Variants in CDC42BPG observed in about 807,000 individuals in gnomAD.
CDC42BPG encodes serine/threonine-protein kinase MRCK gamma.
Under a neutral mutation model 192.2 loss-of-function variants are expected in CDC42BPG, and 157 were observed. That is an observed-to-expected ratio of 0.82 (90% CI 0.72 to 0.93). CDC42BPG has a LOEUF of 0.93. CDC42BPG is among the 40% of genes least tolerant of loss of function. The pLI is 0.00. For missense variants in CDC42BPG, 1,992 were observed against 2,122.1 expected (o/e 0.94, Z 1.20); for synonymous variants, 981 against 918.5 (o/e 1.07, Z -1.23).
Position 64,836,782 on chromosome 11 carries a change from C to G in CDC42BPG, c.1341G>C (p.Glu447Asp). The change falls in exon 11 of 37, where the codon GAG (glutamate) becomes GAC (aspartate). Residue 447 changes from glutamate to aspartate, a missense_variant. By Grantham distance (45) the Glu-to-Asp change is conservative. Coordinates refer to ENST00000342711, the MANE Select transcript of CDC42BPG (RefSeq NM_017525.3). Reference protein sequence around the residue: ...LHAPTDHRELEQLRKEVQTLR... With the variant: ...LHAPTDHRELDQLRKEVQTLR... ...GAGTCTGCACTTCCTTCCGTAGCTG[C>G]TCCAGCTCCCGATGGTCTGTGGGGG... is the stretch of plus-strand genomic sequence containing the variant. 3.2e-6 allele frequency: 5 copies of G among 1,586,780 alleles called. No individual in the cohort carries two copies. The highest frequency in any genetic ancestry group is 4.3e-6 in the Non-Finnish European group (5 of 1,167,788).
chr11:64,843,950 G>A (rs1487652806), intron 1 of CDC42BPG, among the ~76,000 whole-genome samples: 2 of 152,192 alleles, frequency 1.3e-5, no homozygotes, highest in Non-Finnish European at 2.9e-5. Flanking sequence ...ATGCGGTCGG[G>A]GTGGTCTGCA....
chr11:64,828,855 G>C (rs1942554564), intron 30 of CDC42BPG, among the ~76,000 whole-genome samples: 1 of 152,196 alleles, frequency 6.6e-6, no homozygotes, highest in Non-Finnish European at 1.5e-5. Context: ...TTTGAGACCA[G>C]CCTGGCCAAC....
In CDC42BPG at chr11:64,840,191, C is replaced by T. The variant is rs115427619; in HGVS notation, c.510G>A (p.Glu170=). Residue 170 remains glutamate (E), a synonymous_variant, in exon 5 of 37, where the codon GAG becomes GAA. Transcript: ENST00000342711. ...LSRFEDRLPP[E]LAQFYLAEMV... is the part of the protein sequence containing the mutation. ...TCTCAGCCAGGTAGAACTGGGCCAG[C>T]TCGGGCGGGAGACGGTCCTCGAAGC... 3.5e-4 allele frequency: 571 copies of T among 1,613,238 alleles called. 1 individual carries two copies. In the African/African-American group the frequency reaches 6.4e-3, roughly 18 times the overall value.
intron 36 of CDC42BPG, 110 bp downstream of exon 36, chr11:64,826,360 G>A: frequency 1.3e-6 from 1 of 757,410 alleles, no homozygotes; most frequent in Non-Finnish European, 2.3e-6. Context: ...ATCGAGGGCA[G>A]GGATGGGCTC....
intron 3 of CDC42BPG, 84 bp from the exon 4 acceptor site, chr11:64,840,732 A>G (rs975562368): frequency 2.5e-6 from 3 of 1,216,028 alleles, no homozygotes; most frequent in African/African-American, 1.5e-5. Context: ...ATGGAGAAAG[A>G]TTCTGTGAGT....
chr11:64,839,478 C>T lies in CDC42BPG; in HGVS notation c.675G>A (p.Met225Ile). The T allele has an allele frequency of 6.2e-7, 1 of 1,613,052 alleles. No individual in the cohort carries two copies. Among genetic ancestry groups the T allele is most frequent in the Non-Finnish European group, 8.5e-7 (1 of 1,179,878 alleles). The change falls in exon 6 of 37, where the codon ATG becomes ATA. Residue 225 changes from methionine to isoleucine, a missense_variant and splice_region_variant. Coordinates refer to ENST00000342711, the MANE Select transcript of CDC42BPG (RefSeq NM_017525.3). ...GSCLRLNTNG[M>I]VDSSVAVGTP... Reference sequence around the variant, plus strand: ...TCCCACTCTGGGGCGGGGTCCTTACCATGCCGTTGGTGTTGAGACGCAGGC... The same window carrying T: ...TCCCACTCTGGGGCGGGGTCCTTACTATGCCGTTGGTGTTGAGACGCAGGC...
rs1943212678 is a variant in CDC42BPG, at chr11:64,840,116, C to G, written c.581+4G>C. 1 of 1,610,664 alleles carries G rather than the reference C, an allele frequency of 6.2e-7. No individual in the cohort carries two copies. Among genetic ancestry groups the G allele is most frequent in the Non-Finnish European group, 8.5e-7 (1 of 1,178,746 alleles). On this transcript the variant is annotated splice_donor_region_variant and intron_variant, in intron 5 of 36. Coordinates refer to ENST00000342711, the MANE Select transcript of CDC42BPG (RefSeq NM_017525.3). ...TGGGCAGGGCAGCGGGGTTGGGGCC[C>G]CACCTGTGGACATAACCCAGCTGGT...
chr11:64,829,863 G>T lies in CDC42BPG; in HGVS notation c.3575C>A (p.Thr1192Asn), dbSNP rs767403805. ...CTTGACGGCTACACAGAGCACCGGGGTGCGGGCCTGCAGGATGCTTCCAGC... is the reference window on the plus strand; with the variant it reads ...CTTGACGGCTACACAGAGCACCGGGTTGCGGGCCTGCAGGATGCTTCCAGC... ...LAAGSILQAR[T>N]PVLCVAVKRQ... is the part of the protein sequence containing the mutation. The change falls in exon 30 of 37, where the codon ACC (threonine) becomes AAC (asparagine). Residue 1192 changes from threonine to asparagine, a missense_variant. By Grantham distance (65) the Thr-to-Asn change is moderately conservative. This residue lies in a region of CDC42BPG where 1,656 missense variants were observed against 1,844.3 expected (regional missense o/e 0.90). Coordinates refer to ENST00000342711, the MANE Select transcript of CDC42BPG (RefSeq NM_017525.3). 1.2e-6 allele frequency: 2 copies of T among 1,608,272 alleles called. No homozygotes were observed. Among genetic ancestry groups the T allele is most frequent in the Admixed American group, 1.7e-5 (1 of 58,540 alleles).
At chr11:64,828,553 G>A (rs545891146) in intron 30 of CDC42BPG, among the ~76,000 whole-genome samples, 5 of 152,346 alleles carry the variant, frequency 3.3e-5, no homozygotes, top group East Asian at 3.9e-4. Flanking sequence ...CAATCGCAGC[G>A]GTTATCTTTG....
At chr11:64,827,018 A>T (rs646709) in intron 34 of CDC42BPG, 32 bp downstream of exon 34, 1 of 1,462,602 alleles carries the variant, frequency 6.8e-7, no homozygotes, top group Non-Finnish European at 9.6e-7. Context: ...AGCCTCACCA[A>T]AGTGGCTTGT....
intron 4 of CDC42BPG, 60 bp downstream of exon 4, chr11:64,840,488 TGGCCC>T: frequency 6.5e-7 from 1 of 1,538,480 alleles, no homozygotes; most frequent in Non-Finnish European, 9.0e-7. Context: ...CCAGTGCCCC[TGGCCC>T]CAAGGGCCCT....
In CDC42BPG at chr11:64,827,147, A is replaced by G. The variant is rs1327520751; in HGVS notation, c.4292T>C (p.Phe1431Ser). Reference sequence around the variant, plus strand: ...CGGCGAGATGAGCTTGGAGCGCACAAAAGGGTCCTTCAGCATCTCCCTGTG... The same window carrying G: ...CGGCGAGATGAGCTTGGAGCGCACAGAAGGGTCCTTCAGCATCTCCCTGTG... ...QQRREMLKDP[F>S]VRSKLISPPT... The change falls in exon 34 of 37, where the codon TTT (phenylalanine) becomes TCT (serine). Residue 1431 changes from phenylalanine (F) to serine (S), a missense_variant. By Grantham distance (155) the Phe-to-Ser change is radical. Transcript: ENST00000342711. 3 of 1,613,970 alleles carry G rather than the reference A, an allele frequency of 1.9e-6. No homozygotes were observed. Among genetic ancestry groups the G allele is most frequent in the Non-Finnish European group, 1.7e-6 (2 of 1,179,968 alleles).
At position 64,833,251 on chromosome 11, in the gene CDC42BPG, C is replaced by T. The variant is rs150445865; in HGVS notation, c.2711G>A (p.Arg904His). 398 of 1,548,548 alleles carry T rather than the reference C, an allele frequency of 2.6e-4. No individual in the cohort carries two copies. The highest frequency in any genetic ancestry group is 2.6e-4 in the South Asian group (22 of 84,020). The change falls in exon 24 of 37, where the codon CGC becomes CAC. Residue 904 changes from arginine to histidine, a missense_variant. This residue lies in a region of CDC42BPG where 1,656 missense variants were observed against 1,844.3 expected (regional missense o/e 0.90). Coordinates refer to ENST00000342711, the MANE Select transcript of CDC42BPG (RefSeq NM_017525.3). ...CTCACCATCACAACCCAGGCCCTGG[C>T]GGCCCAGGCCCAGCATCAGCGAGGT... is the stretch of plus-strand genomic sequence containing the variant. ...RCTSLMLGLG[R>H]QGLGCDACGY...
At position 64,826,561 on chromosome 11, in the gene CDC42BPG, C is replaced by T; in HGVS notation, c.4514-6G>A. 1.3e-6 allele frequency: 2 copies of T among 1,599,838 alleles called. No homozygotes were observed. Among genetic ancestry groups the T allele is most frequent in the Non-Finnish European group, 1.7e-6 (2 of 1,173,932 alleles). On this transcript the variant is annotated splice_polypyrimidine_tract_variant and splice_region_variant and intron_variant, in intron 35 of 36. Coordinates refer to ENST00000342711, the MANE Select transcript of CDC42BPG (RefSeq NM_017525.3). ...TGTCCAGGGTTTCCTCTTCACTGCT[C>T]CAGCAGCAGACGAGGAGACAAAAAT... is the stretch of plus-strand genomic sequence containing the variant.
rs1942620213 is a variant in CDC42BPG, at chr11:64,830,185, G to A, written c.3367+9C>T. On this transcript the variant is annotated intron_variant, in intron 29 of 36. Coordinates refer to ENST00000342711, the MANE Select transcript of CDC42BPG (RefSeq NM_017525.3). Reference sequence around the variant, plus strand: ...CCCACGCCCACCCTAGCCCAGCTTTGATAGGTACCGTTGCTGCGCAGATGG... The same window carrying A: ...CCCACGCCCACCCTAGCCCAGCTTTAATAGGTACCGTTGCTGCGCAGATGG... 3.7e-6 allele frequency: 6 copies of A among 1,613,470 alleles called. No homozygotes were observed. Among genetic ancestry groups the A allele is most frequent in the Non-Finnish European group, 5.1e-6 (6 of 1,179,818 alleles).
chr11:64,831,668 C>T lies in CDC42BPG; in HGVS notation c.3141G>A (p.Leu1047=). Residue 1047 remains leucine, a synonymous_variant, in exon 28 of 37, where the codon CTG becomes CTA. Coordinates refer to ENST00000342711, the MANE Select transcript of CDC42BPG (RefSeq NM_017525.3). Reference sequence around the variant, plus strand: ...GTTCCCGCTCCCCCTCGCTCTCTGCCAGCAGCAGCACAGTGCACGTGGTGG... The same window carrying T: ...GTTCCCGCTCCCCCTCGCTCTCTGCTAGCAGCAGCACAGTGCACGTGGTGG... ...VPPTTCTVLL[L]AESEGERERW... 2 of 1,609,204 alleles carry T rather than the reference C, an allele frequency of 1.2e-6. No individual in the cohort carries two copies. The highest frequency in any genetic ancestry group is 8.5e-7 in the Non-Finnish European group (1 of 1,179,418).
chr11:64,836,721 G>GGGT lies in CDC42BPG; in HGVS notation c.1384+17_1384+18insACC. 2 of 857,204 alleles carry GGGT rather than the reference G, an allele frequency of 2.3e-6. No homozygotes were observed. The highest frequency in any genetic ancestry group is 3.4e-6 in the Non-Finnish European group (2 of 595,166). 53.1% of individuals were successfully genotyped at this position (857,204 alleles called of 1,614,324 possible). On this transcript the variant is annotated intron_variant, in intron 11 of 36. Coordinates refer to ENST00000342711, the MANE Select transcript of CDC42BPG (RefSeq NM_017525.3). ...GACTCAGCCCTGGGGGGGGGGGGGG[G>GGGT]GTGGGCGGAAGGGATACCTGGCAGC...
rs777436571 is a variant in CDC42BPG, at chr11:64,831,613, G to A, written c.3196C>T (p.Arg1066Trp). ...CTTGGCCGCGCGTCCAGCAGCAGCC[G>A]CTGCAGCTCACCCAGCACCTGCAGC... The part of the protein sequence containing the change: ...RWLQVLGELQ[R>W]LLLDARPRPR... Residue 1066 changes from arginine (R) to tryptophan (W), a missense_variant, in exon 28 of 37, where the codon CGG (arginine) becomes TGG (tryptophan). Physicochemically the swap from Arg to Trp is moderately radical, Grantham distance 101. This residue lies in a region of CDC42BPG where 1,656 missense variants were observed against 1,844.3 expected (regional missense o/e 0.90). Transcript: ENST00000342711. 62 of 1,611,686 alleles carry A rather than the reference G, an allele frequency of 3.8e-5. No homozygotes were observed. Among genetic ancestry groups the A allele is most frequent in the Admixed American group, 5.0e-5 (3 of 59,976 alleles).
intron 34 of CDC42BPG, 63 bp from the exon 35 acceptor site, chr11:64,826,857 G>T: frequency 6.9e-7 from 1 of 1,449,888 alleles, no homozygotes; most frequent in Non-Finnish European, 9.1e-7. Flanking sequence ...GAGGCCCAAG[G>T]CACAACAGAC....
Sources: gnomAD v4.1 joint callset for allele counts (sites outside exome capture counted in the v4.1 genomes callset) on GRCh38, gnomAD v4.1.1 for gene constraint, gnomAD v4.1.1 regional missense constraint, MANE v1.5 for transcripts, NCBI Gene and HGNC (gene_info 2026-07-23, HGNC 2026-07-21) for gene names.